HADHB: variants seen among roughly 807,000 people sequenced by gnomAD.
HADHB encodes hydroxyacyl-CoA dehydrogenase trifunctional multienzyme complex subunit beta, also known as trifunctional enzyme subunit beta, mitochondrial.
In HADHB, 50 loss-of-function variants were observed where a neutral mutation model predicts 61.9. The ratio of observed to expected loss-of-function variants is 0.81; its 90% CI spans 0.64 to 1.02. HADHB has a LOEUF of 1.02. Ranked by LOEUF, HADHB falls within the 50% of genes least tolerant of loss-of-function variation. The pLI, the probability that HADHB is intolerant of heterozygous loss-of-function variation, is 0.00. For synonymous variants in HADHB, 191 were observed against 201.6 expected (o/e 0.95, Z 0.45); for missense variants, 504 against 586.5 (o/e 0.86, Z 1.45).
intron 3 of HADHB, chr2:26,261,222 C>T (rs1056632745): frequency 1.5e-5 from 7 of 474,768 alleles, no homozygotes; most frequent in Non-Finnish European, 2.2e-5. Context: ...ACCCCCCCCC[C>T]ATCCAGACAA....
chr2:26,256,201 G>T (rs187886585), intron 3 of HADHB, among the ~76,000 whole-genome samples: 1 of 152,198 alleles, frequency 6.6e-6, no homozygotes, highest in Non-Finnish European at 1.5e-5. Flanking sequence ...CAGAAGGCAC[G>T]TGATAAAACA....
intron 4 of HADHB, among the ~76,000 whole-genome samples, chr2:26,265,217 A>C (rs929466393): frequency 6.6e-6 from 1 of 152,198 alleles, no homozygotes; most frequent in Non-Finnish European, 1.5e-5. Context: ...CCATCAAGAC[A>C]TGAAAGTTCT....
intron 4 of HADHB, among the ~76,000 whole-genome samples, chr2:26,266,354 T>C (rs914594076): frequency 2.0e-5 from 3 of 152,168 alleles, no homozygotes; most frequent in African/African-American, 7.2e-5. Context: ...ATGTTAGGAT[T>C]GAAGTACCAA....
chr2:26,279,638 A>T (rs1169424909), intron 9 of HADHB, among the ~76,000 whole-genome samples: 1 of 151,996 alleles, frequency 6.6e-6, no homozygotes, highest in African/African-American at 2.4e-5. Context: ...AAAAAAAAAA[A>T]AAAGAAAAAC....
rs776134954 is a variant in HADHB at position 26,284,865 on chromosome 2, G to T, written c.1150-18G>T. 20 of 1,366,448 alleles carry T rather than the reference G, an allele frequency of 1.5e-5. No individual in the cohort carries two copies. The highest frequency in any genetic ancestry group is 2.0e-5 in the Non-Finnish European group (19 of 954,122). 84.6% of individuals were successfully genotyped at this position (1,366,448 alleles called of 1,614,324 possible). On this transcript the variant is annotated intron_variant, in intron 13 of 15. Coordinates refer to ENST00000317799, the MANE Select transcript of HADHB (RefSeq NM_000183.3). The stretch of plus-strand genomic sequence containing the variant: ...AACATGAATAACGAGGTTCTTATTC[G>T]ATTATTTTCTCTTCCAGGGTCAGAT...
intron 6 of HADHB, among the ~76,000 whole-genome samples, chr2:26,276,307 C>T (rs1052107350): frequency 5.3e-5 from 8 of 152,176 alleles, no homozygotes; most frequent in African/African-American, 1.2e-4. Context: ...CTTTGTATCA[C>T]GTATTATGCC....
At chr2:26,289,379 C>T (rs1003954739) in intron 15 of HADHB, among the ~76,000 whole-genome samples, 1 of 152,148 alleles carries the variant, frequency 6.6e-6, no homozygotes, top group Non-Finnish European at 1.5e-5. Flanking sequence ...ATCATCTAGA[C>T]CTGGTTTCAA....
At chr2:26,285,332 C>T (rs1222745971) in intron 14 of HADHB, 75 bp from the exon 15 acceptor site, 19 of 1,265,084 alleles carry the variant, frequency 1.5e-5, no homozygotes, top group Non-Finnish European at 2.1e-5. Flanking sequence ...TCTCTTACTT[C>T]GTAGTACTAA....
intron 1 of HADHB, among the ~76,000 whole-genome samples, chr2:26,252,046 T>C (rs986956275): frequency 6.6e-6 from 1 of 152,156 alleles, no homozygotes; most frequent in Non-Finnish European, 1.5e-5. Flanking sequence ...GCTTCCAAGC[T>C]CACTCACATG....
At chr2:26,273,841 A>C in intron 6 of HADHB, 91 bp downstream of exon 6, 2 of 748,980 alleles carry the variant, frequency 2.7e-6, no homozygotes, top group Non-Finnish European at 4.8e-6. Context: ...AAAGCCTTTA[A>C]AATCTATTGA....
chr2:26,289,054 T>G (rs1278974447), intron 15 of HADHB, among the ~76,000 whole-genome samples: 1 of 151,872 alleles, frequency 6.6e-6, no homozygotes, highest in Non-Finnish European at 1.5e-5. Flanking sequence ...ATCGAGACCA[T>G]CCTGGCTAAC....
chr2:26,287,797 G>A (rs1673098078), intron 15 of HADHB, among the ~76,000 whole-genome samples: 1 of 152,216 alleles, frequency 6.6e-6, no homozygotes, highest in African/African-American at 2.4e-5. Context: ...TTGGGGGGCT[G>A]TGTGTTGTAG....
intron 15 of HADHB, 91 bp downstream of exon 15, chr2:26,285,662 A>C (rs1672995195): frequency 2.0e-6 from 2 of 1,012,556 alleles, no homozygotes; most frequent in Non-Finnish European, 3.0e-6. Flanking sequence ...TTCTTAAAGC[A>C]ATATTTTTGA....
At chr2:26,273,950 G>A (rs1672447058) in intron 6 of HADHB, among the ~76,000 whole-genome samples, 200 bp downstream of exon 6, 3 of 152,112 alleles carry the variant, frequency 2.0e-5, no homozygotes, top group African/African-American at 7.2e-5. Flanking sequence ...CACTATATTA[G>A]TGTATATCCA....
intron 4 of HADHB, among the ~76,000 whole-genome samples, chr2:26,265,240 C>CT (rs1011299257): frequency 6.6e-6 from 1 of 152,006 alleles, no homozygotes; most frequent in Non-Finnish European, 1.5e-5. Context: ...GCTAGGAAGA[C>CT]TTTTTTTGTA....
At chr2:26,262,403 GA>G (rs760416135) in intron 3 of HADHB, among the ~76,000 whole-genome samples, 31 of 152,134 alleles carry the variant, frequency 2.0e-4, no homozygotes, top group Non-Finnish European at 3.8e-4. Flanking sequence ...TGCACTAAAA[GA>G]AACGATTTGA....
At chr2:26,254,409 A>G in intron 2 of HADHB, 21 bp from the exon 3 acceptor site, 1 of 1,591,984 alleles carries the variant, frequency 6.3e-7, no homozygotes, top group Non-Finnish European at 8.6e-7. Flanking sequence ...CTTTTTGTAA[A>G]CAGTTTATTT....
Position 26,284,909 on chromosome 2 carries a change from C to CAA in HADHB, c.1177_1178insAA (p.Met393LysfsTer63), listed in dbSNP as rs1326172374. 1.3e-6 allele frequency: 2 copies of CAA among 1,597,220 alleles called. No homozygotes were observed. The highest frequency in any genetic ancestry group is 1.7e-6 in the Non-Finnish European group (2 of 1,164,856). ...GTCAGATTTTGGCAAATTTTAAAGCCATGGATTCTGATTGGTTTGCAGAAA... is the reference window on the plus strand; with the variant it reads ...GTCAGATTTTGGCAAATTTTAAAGCCAAATGGATTCTGATTGGTTTGCAGAAA... On this transcript the variant is annotated frameshift_variant, in exon 14 of 16. Transcript: ENST00000317799. LOFTEE classifies it high-confidence loss of function.
intron 4 of HADHB, among the ~76,000 whole-genome samples, chr2:26,264,553 C>CA (rs34189488): frequency 0.66 from 48,441 of 73,656 alleles, 16,834 homozygotes; most frequent in Non-Finnish European, 0.75. Flanking sequence ...GACTCCATCT[C>CA]AAAAAAAAAA....
Sources: allele counts gnomAD v4.1 joint callset (sites outside exome capture counted in the v4.1 genomes callset), GRCh38; gene constraint gnomAD v4.1.1; transcripts MANE v1.5; gene names NCBI Gene and HGNC (gene_info 2026-07-23, HGNC 2026-07-21).